The following DCAF13 variants were observed in gnomAD, a reference collection of about 807,000 sequenced individuals.
DCAF13 encodes DDB1- and CUL4-associated factor 13.
A neutral mutation model predicts 59.0 loss-of-function variants in DCAF13; 38 were observed. The observed-to-expected ratio is 0.64, with a 90% CI of 0.50 to 0.84. The LOEUF is 0.84. DCAF13 is among the 40% of genes least tolerant of loss of function. DCAF13 has a pLI of 0.00. For synonymous variants in DCAF13, 173 were observed against 175.0 expected (o/e 0.99, Z 0.09); for missense variants, 469 against 558.4 (o/e 0.84, Z 1.61).
chr8:103,433,940 A>T (rs1364445446), intron 7 of DCAF13, among the ~76,000 whole-genome samples: 1 of 152,072 alleles, frequency 6.6e-6, no homozygotes, highest in African/African-American at 2.4e-5. Flanking sequence ...TAAGATTTCT[A>T]AAGAATGTTC....
intron 6 of DCAF13, 109 bp from the exon 7 acceptor site, chr8:103,432,550 C>T (rs773044414): frequency 4.4e-5 from 24 of 547,254 alleles, no homozygotes; most frequent in Non-Finnish European, 7.2e-5. Flanking sequence ...TCCCATTGCA[C>T]TGAGCTGAGT....
At chr8:103,418,095 TC>T (rs1250027737) in intron 1 of DCAF13, among the ~76,000 whole-genome samples, 7 of 150,090 alleles carry the variant, frequency 4.7e-5, no homozygotes, top group Non-Finnish European at 7.4e-5. Flanking sequence ...GCCACTGCAC[TC>T]CAGCCTGGGC....
Position 103,442,903 on chromosome 8 carries a change from G to C in DCAF13, c.*21G>C. The C allele has an allele frequency of 1.3e-6, 2 of 1,492,822 alleles. No individual in the cohort carries two copies. Among genetic ancestry groups the C allele is most frequent in the Non-Finnish European group, 1.8e-6 (2 of 1,092,054 alleles). 92.5% of individuals were successfully genotyped at this position (1,492,822 alleles called of 1,614,324 possible). A position where few individuals can be genotyped will look rare whatever the true frequency, so the allele number is the denominator to read the frequency against. ...AATAATTGGTATTCCTAACAATCCT[G>C]ATGTATAATTATTTGTTACTTTTGA... On this transcript the variant is annotated 3_prime_UTR_variant, in exon 11 of 11. Transcript: ENST00000612750.
At chr8:103,432,573 A>G in intron 6 of DCAF13, 86 bp from the exon 7 acceptor site, 1 of 774,372 alleles carries the variant, frequency 1.3e-6, no homozygotes, top group Non-Finnish European at 2.2e-6. Flanking sequence ...TTTACACATA[A>G]TAGGTGTTTA....
At chr8:103,426,207 T>A in intron 4 of DCAF13, 62 bp downstream of exon 4, 1 of 1,001,992 alleles carries the variant, frequency 1.0e-6, no homozygotes, top group Non-Finnish European at 1.5e-6. Flanking sequence ...AATTATTTTA[T>A]AGTTATAATT....
At position 103,433,582 on chromosome 8, in the gene DCAF13, AAGT is replaced by A. The variant is rs141399531; in HGVS notation, c.785+848_785+850del. On this transcript the variant is annotated intron_variant, in intron 7 of 10. Coordinates refer to ENST00000612750, the MANE Select transcript of DCAF13 (RefSeq NM_015420.7). The stretch of plus-strand genomic sequence containing the variant: ...CCACTATGTAGATTTGGAAGCAAAA[AAGT>A]AGTAGTGTTAGCTCATAAAAGGATT... Among the ~76,000 whole-genome samples, 716 of 152,156 alleles carry A rather than the reference AAGT, an allele frequency of 4.7e-3. 12 individuals are homozygous for A. The highest frequency in any genetic ancestry group is 0.015 in the African/African-American group (610 of 41,504).
intron 2 of DCAF13, 31 bp downstream of exon 2, chr8:103,420,494 T>C (rs1816708513): frequency 1.9e-6 from 3 of 1,584,788 alleles, no homozygotes; most frequent in Non-Finnish European, 2.6e-6. Context: ...TATTTTCAAC[T>C]AAAAGTAGTT....
chr8:103,418,738 G>A (rs1816663042), intron 1 of DCAF13, among the ~76,000 whole-genome samples: 1 of 146,852 alleles, frequency 6.8e-6, no homozygotes, highest in Admixed American at 6.9e-5. Context: ...ACAGCAGGAT[G>A]AAGTCATGGG....
At chr8:103,421,982 ACAAAAT>A (rs1052447267) in intron 3 of DCAF13, among the ~76,000 whole-genome samples, 5 of 152,240 alleles carry the variant, frequency 3.3e-5, no homozygotes, top group African/African-American at 1.2e-4. Context: ...AAGGGGAACG[ACAAAAT>A]CTGAGCTGTG....
intron 4 of DCAF13, 62 bp downstream of exon 4, chr8:103,426,207 T>C: frequency 1.0e-6 from 1 of 1,001,998 alleles, no homozygotes; most frequent in Non-Finnish European, 1.5e-6. Flanking sequence ...AATTATTTTA[T>C]AGTTATAATT....
At chr8:103,427,823 C>CT (rs1816814288) in intron 5 of DCAF13, 1 of 152,576 alleles carries the variant, frequency 6.6e-6, no homozygotes, top group African/African-American at 2.4e-5. Flanking sequence ...TACATGTCGT[C>CT]TGTTTAGGTC....
chr8:103,426,930 G>T (rs1432414717), intron 4 of DCAF13, among the ~76,000 whole-genome samples, 167 bp from the exon 5 acceptor site: 2 of 152,012 alleles, frequency 1.3e-5, no homozygotes, highest in Non-Finnish European at 2.9e-5. Context: ...AAAATGTCTT[G>T]TCTCATTATG....
At position 103,420,512 on chromosome 8, in the gene DCAF13, A is replaced by C. The variant is rs747306618; in HGVS notation, c.270+49A>C. 1.9e-6 allele frequency: 3 copies of C among 1,552,386 alleles called. No individual in the cohort carries two copies. In the African/African-American group the frequency reaches 4.1e-5, roughly 21 times the overall value. On this transcript the variant is annotated intron_variant, in intron 2 of 10. Transcript: ENST00000612750. ...TTTCAACTAAAAGTAGTTATATTAC[A>C]AATGTTTTCCCTTTAGTTTTTAGTT...
chr8:103,418,866 ATTTTTTTT>A (rs1159489554), intron 1 of DCAF13, among the ~76,000 whole-genome samples: 553 of 38,414 alleles, frequency 0.014, 12 homozygotes, highest in East Asian at 0.052. Flanking sequence ...ATATATATAT[ATTTTTTTT>A]TTTTTTTTTT....
intron 5 of DCAF13, chr8:103,428,126 A>G (rs1466530019): frequency 6.6e-6 from 1 of 152,206 alleles, no homozygotes; most frequent in Non-Finnish European, 1.5e-5. Flanking sequence ...GAGTCAAAAT[A>G]GTAAGGTATA....
chr8:103,418,590 A>C (rs1208028024), intron 1 of DCAF13, among the ~76,000 whole-genome samples: 1 of 151,516 alleles, frequency 6.6e-6, no homozygotes, highest in African/African-American at 2.4e-5. Context: ...AAAGATGAGT[A>C]AGTGTTGCAA....
chr8:103,441,463 A>G lies in DCAF13; in HGVS notation c.1095A>G (p.Ser365=). The change falls in exon 10 of 11, where the codon TCA becomes TCG. Residue 365 remains serine (S), a synonymous_variant. Transcript: ENST00000612750. ...NASEKLGVLT[S]REKAAKDYNQ... is the part of the protein sequence containing the mutation. ...AAAATGTGTATTTTCAGCTTACATC[A>G]CGAGAAAAAGCAGCCAAGGATTATA... 6.3e-7 allele frequency: 1 copy of G among 1,585,404 alleles called. No individual in the cohort carries two copies. The highest frequency in any genetic ancestry group is 8.5e-7 in the Non-Finnish European group (1 of 1,172,402).
intron 8 of DCAF13, among the ~76,000 whole-genome samples, chr8:103,436,211 C>A (rs922601406): frequency 4.0e-5 from 6 of 151,894 alleles, no homozygotes; most frequent in Non-Finnish European, 7.4e-5. Flanking sequence ...TGAGAGGGTA[C>A]CTGAGTTTAA....
Position 103,433,971 on chromosome 8 carries a change from G to A in DCAF13, c.785+1230G>A, listed in dbSNP as rs1368564257. 3.3e-5 allele frequency among the ~76,000 whole-genome samples: 5 copies of A among 152,066 alleles called. No homozygotes were observed. The East Asian group carries it at 7.7e-4, about 23-fold the overall frequency. ...TGTTCTAATAAGCTATTTTAGCAAG[G>A]TACCGTTTTTCAGAGTGTCCTCGGA... On this transcript the variant is annotated intron_variant, in intron 7 of 10. Coordinates refer to ENST00000612750, the MANE Select transcript of DCAF13 (RefSeq NM_015420.7).
Sources: allele counts gnomAD v4.1 joint callset (sites outside exome capture counted in the v4.1 genomes callset), GRCh38; gene constraint gnomAD v4.1.1; transcripts MANE v1.5; gene names NCBI Gene and HGNC (gene_info 2026-07-23, HGNC 2026-07-21).